The following SWAP70 variants were observed in gnomAD, a reference collection of about 807,000 sequenced individuals.
SWAP70 encodes switching B cell complex subunit SWAP70, also known as switch-associated protein 70.
Under a neutral mutation model 80.2 loss-of-function variants are expected in SWAP70, and 34 were observed. That is an observed-to-expected ratio of 0.42 (90% CI 0.32 to 0.56). The LOEUF (loss-of-function observed/expected upper bound fraction) is 0.56. Among genes scored for constraint, SWAP70 ranks in the 20% least tolerant of loss-of-function variants. The pLI is 0.09. For synonymous variants in SWAP70, 239 were observed against 238.5 expected, an observed-to-expected ratio of 1.00 and a Z score of -0.02; for missense variants, 578 against 690.7, an observed-to-expected ratio of 0.84 and a Z score of 1.83.
intron 3 of SWAP70, chr11:9,720,475 C>T: frequency 3.0e-6 from 3 of 985,408 alleles, no homozygotes; most frequent in Non-Finnish European, 2.4e-6. Context: ...GACGTGGGTT[C>T]AGTAAGAGGT....
At chr11:9,726,969 A>G (rs748834807) in intron 4 of SWAP70, 2 of 456,298 alleles carry the variant, frequency 4.4e-6, no homozygotes. Context: ...GGTTGGTACC[A>G]GAGGTGGAAG....
intron 1 of SWAP70, among the ~76,000 whole-genome samples, chr11:9,676,744 G>A (rs967705836): frequency 4.6e-5 from 7 of 151,392 alleles, no homozygotes; most frequent in African/African-American, 1.5e-4. Context: ...CCGCCTCCTG[G>A]GTTTATGCCA....
chr11:9,673,110 A>T (rs1485543598), intron 1 of SWAP70, among the ~76,000 whole-genome samples: 2 of 152,172 alleles, frequency 1.3e-5, no homozygotes, highest in Non-Finnish European at 2.9e-5. Context: ...ACAGTGTCAG[A>T]TCCCACAGAG....
At chr11:9,730,877 C>A (rs1237016498) in intron 6 of SWAP70, among the ~76,000 whole-genome samples, 2 of 152,120 alleles carry the variant, frequency 1.3e-5, no homozygotes, top group East Asian at 3.8e-4. Flanking sequence ...ATCTATCACC[C>A]AGGAAGTGAG....
At chr11:9,671,559 T>G (rs375276369) in intron 1 of SWAP70, among the ~76,000 whole-genome samples, 687 of 66,814 alleles carry the variant, frequency 0.01, 15 homozygotes, top group African/African-American at 0.032. Flanking sequence ...GAAATATATA[T>G]AAATATATTT....
intron 2 of SWAP70, among the ~76,000 whole-genome samples, chr11:9,705,591 CT>C (rs1449413285): frequency 7.0e-6 from 1 of 143,512 alleles, no homozygotes; most frequent in Admixed American, 6.7e-5. Context: ...TCTGTGTACA[CT>C]TGGTGATCTG....
chr11:9,734,021 G>T (rs973887041), intron 7 of SWAP70, among the ~76,000 whole-genome samples: 2 of 151,912 alleles, frequency 1.3e-5, no homozygotes, highest in African/African-American at 2.4e-5. Flanking sequence ...GGATTTTTTT[G>T]GATTTTGGAA....
intron 2 of SWAP70, among the ~76,000 whole-genome samples, chr11:9,710,030 C>G (rs1425301676): frequency 6.6e-6 from 1 of 151,860 alleles, no homozygotes; most frequent in Non-Finnish European, 1.5e-5. Context: ...GGTCTTTATC[C>G]TCATTGTCTT....
intron 2 of SWAP70, among the ~76,000 whole-genome samples, chr11:9,702,565 A>T (rs1850847181): frequency 6.6e-6 from 1 of 151,954 alleles, no homozygotes; most frequent in Non-Finnish European, 1.5e-5. Flanking sequence ...CTGGAATTAC[A>T]TGTGTGCACC....
intron 1 of SWAP70, among the ~76,000 whole-genome samples, chr11:9,676,942 T>C (rs1850509263): frequency 2.0e-5 from 3 of 152,186 alleles, no homozygotes; most frequent in Admixed American, 2.0e-4. Context: ...CGTGAGCCAC[T>C]GTGCCTGGCC....
intron 1 of SWAP70, among the ~76,000 whole-genome samples, chr11:9,693,793 GT>G (rs1258471527): frequency 1.3e-5 from 2 of 152,182 alleles, no homozygotes; most frequent in African/African-American, 4.8e-5. Flanking sequence ...TTGGTGAAAA[GT>G]TTAATTTTGA....
intron 9 of SWAP70, among the ~76,000 whole-genome samples, chr11:9,745,156 G>T (rs1021062262): frequency 3.3e-5 from 5 of 152,176 alleles, no homozygotes; most frequent in Non-Finnish European, 7.3e-5. Flanking sequence ...ATATTTGAAG[G>T]TTAGAGACTG....
intron 2 of SWAP70, among the ~76,000 whole-genome samples, chr11:9,709,019 C>T (rs1850959513): frequency 1.4e-5 from 2 of 141,432 alleles, no homozygotes; most frequent in African/African-American, 4.9e-5. Context: ...GAGACTCCCA[C>T]CTCAGCCTCC....
chr11:9,739,991 A>G (rs1851414209), intron 8 of SWAP70, among the ~76,000 whole-genome samples, 190 bp from the exon 9 acceptor site: 2 of 151,984 alleles, frequency 1.3e-5, no homozygotes, highest in Non-Finnish European at 2.9e-5. Flanking sequence ...CTCTTCCCAG[A>G]CTCTTTCACT....
rs756510865 is a variant in SWAP70 at position 9,672,357 on chromosome 11, T to C, written c.99+8079T>C. On this transcript the variant is annotated intron_variant, in intron 1 of 11. Coordinates refer to ENST00000318950, the MANE Select transcript of SWAP70 (RefSeq NM_015055.4). ...TTGGAATAAATGTATTTTTTACTTA[T>C]TTTAAAAAATTTATTTATTTATTTT... Among the ~76,000 whole-genome samples, 193 of 150,194 alleles carry C rather than the reference T, an allele frequency of 1.3e-3. 1 individual carries two copies. Among genetic ancestry groups the C allele is most frequent in the Non-Finnish European group, 1.2e-3 (79 of 67,624 alleles).
intron 3 of SWAP70, among the ~76,000 whole-genome samples, chr11:9,716,506 CTGTT>C (rs2133799039): frequency 6.6e-6 from 1 of 152,342 alleles, no homozygotes; most frequent in African/African-American, 2.4e-5. Flanking sequence ...CTCACTCTCT[CTGTT>C]TGGGGTTCCC....
intron 2 of SWAP70, among the ~76,000 whole-genome samples, chr11:9,696,510 CCA>C (rs1850759752): frequency 6.6e-6 from 1 of 151,802 alleles, no homozygotes; most frequent in African/African-American, 2.4e-5. Context: ...ACACATGCAC[CCA>C]CACACACATA....
chr11:9,672,819 G>T (rs369473469), intron 1 of SWAP70, among the ~76,000 whole-genome samples: 1 of 152,022 alleles, frequency 6.6e-6, no homozygotes, highest in Non-Finnish European at 1.5e-5. Context: ...TTAACAAATA[G>T]CATATTATTA....
chr11:9,721,349 AT>A lies in SWAP70; in HGVS notation c.415-3305del, dbSNP rs200002147. ...AAGCGTGTTTTTCTCCAACAAGTAA[AT>A]TTTGGTAAACACTTACCATGTGCTG... is the stretch of plus-strand genomic sequence containing the variant. On this transcript the variant is annotated intron_variant, in intron 3 of 11. Coordinates refer to ENST00000318950, the MANE Select transcript of SWAP70 (RefSeq NM_015055.4). Among the ~76,000 whole-genome samples, 1,198 of 152,312 alleles carry A rather than the reference AT, an allele frequency of 7.9e-3. 5 individuals are homozygous for A. Among genetic ancestry groups the A allele is most frequent in the Non-Finnish European group, 0.012 (819 of 68,020 alleles).
Sources: gnomAD v4.1 joint callset for allele counts (sites outside exome capture counted in the v4.1 genomes callset) on GRCh38, gnomAD v4.1.1 for gene constraint, MANE v1.5 for transcripts, NCBI Gene and HGNC (gene_info 2026-07-23, HGNC 2026-07-21) for gene names.